KALRN: variants seen among roughly 807,000 people sequenced by gnomAD.
The protein encoded by KALRN is kalirin RhoGEF kinase.
In KALRN, 70 loss-of-function variants were observed where a neutral mutation model predicts 353.7. That is an observed-to-expected ratio of 0.20 (90% CI 0.16 to 0.24). The LOEUF (loss-of-function observed/expected upper bound fraction) is 0.24. Among genes scored for constraint, KALRN ranks in the 10% least tolerant of loss-of-function variants. KALRN has a pLI of 1.00. For missense variants in KALRN, 2,791 were observed against 3,756.7 expected (o/e 0.74, Z 6.72); for synonymous variants, 1,391 against 1,434.8 (o/e 0.97, Z 0.69).
At chr3:124,354,427 G>A (rs2083164900) in intron 10 of KALRN, among the ~76,000 whole-genome samples, 1 of 152,176 alleles carries the variant, frequency 6.6e-6, no homozygotes, top group African/African-American at 2.4e-5. Context: ...ATCTTGTAAG[G>A]ACTGGGAAGG....
intron 56 of KALRN, among the ~76,000 whole-genome samples, chr3:124,701,802 C>A (rs948253055): frequency 3.9e-5 from 6 of 151,996 alleles, no homozygotes; most frequent in African/African-American, 1.4e-4. Flanking sequence ...GATTGTACTG[C>A]GTTTTCCCTT....
chr3:124,294,256 A>G (rs1002439775), intron 5 of KALRN, among the ~76,000 whole-genome samples: 32 of 151,970 alleles, frequency 2.1e-4, no homozygotes, highest in African/African-American at 7.7e-4. Flanking sequence ...AGAAAGTCTT[A>G]CAGCCATATG....
intron 1 of KALRN, among the ~76,000 whole-genome samples, chr3:124,182,589 C>G (rs897167225): frequency 2.6e-5 from 4 of 152,206 alleles, no homozygotes; most frequent in Non-Finnish European, 4.4e-5. Context: ...TCACCTTTGC[C>G]TTATTATACT....
intron 13 of KALRN, among the ~76,000 whole-genome samples, chr3:124,410,656 C>T (rs545972717): frequency 6.6e-6 from 1 of 152,186 alleles, no homozygotes; most frequent in Non-Finnish European, 1.5e-5. Context: ...GCACTTCACA[C>T]CCACTAGCAT....
intron 5 of KALRN, among the ~76,000 whole-genome samples, chr3:124,292,831 G>A (rs987318924): frequency 2.6e-5 from 4 of 152,160 alleles, no homozygotes; most frequent in Non-Finnish European, 5.9e-5. Flanking sequence ...TATCATATAT[G>A]TAGCACTTAA....
chr3:124,477,465 C>T (rs1162545102), intron 27 of KALRN, 131 bp downstream of exon 27: 1 of 703,738 alleles, frequency 1.4e-6, no homozygotes, highest in East Asian at 2.6e-5. Context: ...AAACCTTAAG[C>T]ATGGAAAAAA....
chr3:124,489,438 A>G lies in KALRN; in HGVS notation c.4396+1123A>G, dbSNP rs2062906872. ...TTCTGGACTCCATCCTACTCCGCCA[A>G]TACCACCAACACCACCTTGGGAGAC... On this transcript the variant is annotated intron_variant, in intron 29 of 59. Coordinates refer to ENST00000682506, the MANE Select transcript of KALRN (RefSeq NM_001388419.1). 2.0e-5 allele frequency among the ~76,000 whole-genome samples: 3 copies of G among 152,200 alleles called. No individual in the cohort carries two copies. In the South Asian group the frequency reaches 6.2e-4, roughly 32 times the overall value.
At chr3:124,685,672 C>T (rs147146821) in intron 51 of KALRN, among the ~76,000 whole-genome samples, 365 of 152,294 alleles carry the variant, frequency 2.4e-3, no homozygotes, top group African/African-American at 5.7e-3. Flanking sequence ...GCCTCACCCA[C>T]GCCCTTTCTC....
intron 34 of KALRN, among the ~76,000 whole-genome samples, 167 bp from the exon 35 acceptor site, chr3:124,632,253 T>C (rs2080865164): frequency 6.6e-6 from 1 of 152,158 alleles, no homozygotes; most frequent in Admixed American, 6.5e-5. Flanking sequence ...TGAGTGAGCG[T>C]TTGCCTTTCT....
rs140483817 is a variant in KALRN, at chr3:124,390,417, C to G, written c.1963-4718C>G. ...TCATTCTGCCACACCATTTCCTACT[C>G]AAATAGGTACAAACATACCACAGAC... On this transcript the variant is annotated intron_variant, in intron 11 of 59. Coordinates refer to ENST00000682506, the MANE Select transcript of KALRN (RefSeq NM_001388419.1). 5.1e-3 allele frequency among the ~76,000 whole-genome samples: 771 copies of G among 152,288 alleles called. 12 individuals carry two copies. Among genetic ancestry groups the G allele is most frequent in the East Asian group, 0.046 (237 of 5,174 alleles).
chr3:124,426,048 A>G (rs1255599174), intron 15 of KALRN, among the ~76,000 whole-genome samples: 2 of 152,226 alleles, frequency 1.3e-5, no homozygotes, highest in African/African-American at 4.8e-5. Context: ...CAGGAAATCT[A>G]CCAAGCCCTT....
At chr3:124,046,810 C>T (rs184577129) in intron 1 of KALRN, among the ~76,000 whole-genome samples, 109 of 152,220 alleles carry the variant, frequency 7.2e-4, no homozygotes, top group Middle Eastern at 6.8e-3. Flanking sequence ...AGGTTGTATA[C>T]ACACTTTGCT....
At chr3:124,096,336 C>G (rs949926398) in intron 1 of KALRN, among the ~76,000 whole-genome samples, 1 of 152,194 alleles carries the variant, frequency 6.6e-6, no homozygotes, top group African/African-American at 2.4e-5. Flanking sequence ...AAACAAAGTA[C>G]TCTTTAAATG....
chr3:124,278,907 TG>T (rs2075063036), intron 5 of KALRN, among the ~76,000 whole-genome samples: 1 of 152,196 alleles, frequency 6.6e-6, no homozygotes, highest in South Asian at 2.1e-4. Context: ...CTAGGCATTT[TG>T]CTTTGAGGAA....
chr3:124,057,602 G>C (rs561094863), intron 1 of KALRN, among the ~76,000 whole-genome samples: 3 of 152,138 alleles, frequency 2.0e-5, no homozygotes, highest in African/African-American at 7.2e-5. Flanking sequence ...CTTTGGCCCT[G>C]CCTGCACTTG....
intron 33 of KALRN, among the ~76,000 whole-genome samples, chr3:124,547,998 G>T (rs768444000): frequency 6.6e-6 from 1 of 152,104 alleles, no homozygotes; most frequent in Non-Finnish European, 1.5e-5. Context: ...TTTTCCTAAA[G>T]ATAAAAAGAA....
intron 10 of KALRN, among the ~76,000 whole-genome samples, chr3:124,352,110 T>G (rs1252271396): frequency 3.9e-5 from 6 of 152,206 alleles, no homozygotes. Context: ...ACTAATGGAC[T>G]CAGTTTGCCT....
intron 33 of KALRN, among the ~76,000 whole-genome samples, chr3:124,504,462 A>G (rs1432294347): frequency 6.6e-6 from 1 of 152,142 alleles, no homozygotes; most frequent in Non-Finnish European, 1.5e-5. Context: ...AAACCCTACT[A>G]TTACCCTCCC....
intron 34 of KALRN, among the ~76,000 whole-genome samples, chr3:124,624,748 C>T (rs1475627553): frequency 1.3e-5 from 2 of 152,142 alleles, no homozygotes; most frequent in African/African-American, 4.8e-5. Flanking sequence ...GCTTAAACTT[C>T]CAAATGGTGA....
Sources: allele counts gnomAD v4.1 joint callset (sites outside exome capture counted in the v4.1 genomes callset), GRCh38; gene constraint gnomAD v4.1.1; transcripts MANE v1.5; gene names NCBI Gene and HGNC (gene_info 2026-07-23, HGNC 2026-07-21).